N4BP2L1: variants seen among roughly 807,000 people sequenced by gnomAD.
The protein encoded by N4BP2L1 is NEDD4 binding protein 2 like 1.
A neutral mutation model predicts 21.2 loss-of-function variants in N4BP2L1; 12 were observed. That is an observed-to-expected ratio of 0.57 (90% CI 0.36 to 0.92). The LOEUF is 0.92. N4BP2L1 is among the 40% of genes least tolerant of loss of function. The pLI is 0.01. For synonymous variants in N4BP2L1, 104 were observed against 112.8 expected (o/e 0.92, Z 0.49); for missense variants, 259 against 310.6 (o/e 0.83, Z 1.25).
chr13:32,403,656 C>T lies in N4BP2L1; in HGVS notation c.474-456G>A, dbSNP rs745446308. The stretch of plus-strand genomic sequence containing the variant: ...GGGATATAGTTAGAAATATAATTAC[C>T]AGAGATTCCAACTACTGAATGGGGT... On this transcript the variant is annotated intron_variant, in intron 4 of 4. Transcript: ENST00000380130. 14 of 532,432 alleles carry T rather than the reference C, an allele frequency of 2.6e-5. No homozygotes were observed. The Admixed American group carries it at 2.7e-4, about 10-fold the overall frequency. The allele number at this position is 532,432 out of a possible 1,614,324, so 33.0% of individuals were successfully genotyped here. A position where few individuals can be genotyped will look rare whatever the true frequency, so the allele number is the denominator to read the frequency against.
chr13:32,406,085 T>A (rs2073481518), intron 3 of N4BP2L1, among the ~76,000 whole-genome samples: 1 of 151,478 alleles, frequency 6.6e-6, no homozygotes, highest in East Asian at 1.9e-4. Flanking sequence ...GTATTTTTTT[T>A]TTTTTAGTAG....
chr13:32,428,435 C>A (rs542576873), upstream of N4BP2L1: 34 of 185,620 alleles, frequency 1.8e-4, 1 homozygote, highest in East Asian at 4.2e-3. Context: ...AGGCCTCCTG[C>A]CACAGCCCTC....
chr13:32,417,391 T>C (rs537174682), intron 1 of N4BP2L1, among the ~76,000 whole-genome samples: 9 of 152,210 alleles, frequency 5.9e-5, no homozygotes, highest in East Asian at 5.8e-4. Context: ...AGGGGCTTTT[T>C]CCCCTTTTGC....
At chr13:32,410,671 T>TTCAGGTA (rs1352501045) in intron 1 of N4BP2L1, among the ~76,000 whole-genome samples, 1 of 152,238 alleles carries the variant, frequency 6.6e-6, no homozygotes, top group Non-Finnish European at 1.5e-5. Context: ...CTGATGCATT[T>TTCAGGTA]TCAGGTATGT....
Position 32,403,102 on chromosome 13 carries a change from G to C in N4BP2L1, c.572C>G (p.Pro191Arg). The C allele has an allele frequency of 1.9e-6, 3 of 1,613,968 alleles. No homozygotes were observed. Among genetic ancestry groups the C allele is most frequent in the Non-Finnish European group, 2.5e-6 (3 of 1,179,986 alleles). Residue 191 changes from proline (P) to arginine (R), a missense_variant, in exon 5 of 5, where the codon CCA becomes CGA. Pro to Arg is a moderately radical substitution (Grantham distance 103, BLOSUM62 -2). Coordinates refer to ENST00000380130, the MANE Select transcript of N4BP2L1 (RefSeq NM_052818.3). ...GTCCTGGTTTCTGTTCATTCTGCTT[G>C]GCTTTTCTGCATGAAGCACACTGTG... ...TFHSVLHAEKPSRMNRNQDRN... is the reference protein window; with the variant it reads ...TFHSVLHAEKRSRMNRNQDRN...
rs890547779 is a variant in N4BP2L1, at chr13:32,428,016, G to C, written c.67C>G (p.Gln23Glu). 6.4e-7 allele frequency: 1 copy of C among 1,561,162 alleles called. No homozygotes were observed. Among genetic ancestry groups the C allele is most frequent in the Admixed American group, 1.9e-5 (1 of 51,506 alleles). Residue 23 changes from glutamine to glutamate, a missense_variant, in exon 1 of 5, where the codon CAG becomes GAG. Transcript: ENST00000380130. ...CGCGGGGGCGGCCGGGGCGGCCGCTGCCGCTGCTGCTGCTGCTGGGGCTGG... is the reference window on the plus strand; with the variant it reads ...CGCGGGGGCGGCCGGGGCGGCCGCTCCCGCTGCTGCTGCTGCTGGGGCTGG... ...SLQPQQQQQR[Q>E]RPPRPPPRGT...
chr13:32,419,447 T>TTTTTTTTTTTC (rs2074346900), intron 1 of N4BP2L1: 1 of 321,746 alleles, frequency 3.1e-6, no homozygotes. Flanking sequence ...TTTTTTTTTT[T>TTTTTTTTTTTC]GTATTTTACA....
chr13:32,418,064 G>A (rs1312417986), intron 1 of N4BP2L1, among the ~76,000 whole-genome samples: 1 of 152,198 alleles, frequency 6.6e-6, no homozygotes, highest in East Asian at 1.9e-4. Flanking sequence ...CCTAAGTAAC[G>A]AGGAGCCAAA....
chr13:32,412,590 A>G (rs1323545721), intron 1 of N4BP2L1, among the ~76,000 whole-genome samples: 4 of 151,034 alleles, frequency 2.6e-5, no homozygotes, highest in Non-Finnish European at 5.9e-5. Context: ...CCGTGCCACT[A>G]CACTCCAGCT....
chr13:32,407,012 G>A, intron 3 of N4BP2L1: 1 of 528,936 alleles, frequency 1.9e-6, no homozygotes, highest in Non-Finnish European at 3.4e-6. Flanking sequence ...TCACACCAAA[G>A]ACCATTTGCC....
Position 32,402,312 on chromosome 13 carries a change from G to A in N4BP2L1, c.*630C>T, listed in dbSNP as rs2073173844. The A allele has an allele frequency of 1.7e-6, 1 of 576,088 alleles. No homozygotes were observed. The highest frequency in any genetic ancestry group is 6.3e-5 in the Admixed American group (1 of 15,752). The allele number at this position is 576,088 out of a possible 1,614,324, so 35.7% of individuals were successfully genotyped here. A position where few individuals can be genotyped will look rare whatever the true frequency, so the allele number is the denominator to read the frequency against. On this transcript the variant is annotated 3_prime_UTR_variant, in exon 5 of 5. Transcript: ENST00000380130. ...CTCAGTAGCTCCTGTAGCTATTAAG[G>A]ATTTGACAGCATTTTTAACAATGAT...
Position 32,407,714 on chromosome 13 carries a change from T to G in N4BP2L1, c.238A>C (p.Arg80=). Residue 80 remains arginine (R), a synonymous_variant, in exon 2 of 5, where the codon AGG becomes CGG. Transcript: ENST00000380130. ...LIFSTDDFFF[R]EDGAYEFNPD... ...TTGAACTCATAGGCACCATCTTCCC[T>G]GAAGAAAAAATCATCCGTGCTGAAA... 1 of 1,609,144 alleles carries G rather than the reference T, an allele frequency of 6.2e-7. No individual in the cohort carries two copies. Among genetic ancestry groups the G allele is most frequent in the South Asian group, 1.1e-5 (1 of 89,958 alleles).
intron 1 of N4BP2L1, chr13:32,411,865 T>C (rs1270612577): frequency 2.5e-6 from 2 of 799,452 alleles, no homozygotes; most frequent in East Asian, 1.3e-4. Context: ...AATTTTAACT[T>C]GACGCCCAGT....
At chr13:32,404,256 G>A in intron 4 of N4BP2L1, 65 bp downstream of exon 4, 1 of 1,585,962 alleles carries the variant, frequency 6.3e-7, no homozygotes, top group Non-Finnish European at 8.7e-7. Flanking sequence ...AGATTCTTTT[G>A]TTCGGTCTGA....
chr13:32,429,406 T>C (rs1222414063), upstream of N4BP2L1, among the ~76,000 whole-genome samples: 3 of 152,220 alleles, frequency 2.0e-5, no homozygotes, highest in South Asian at 2.1e-4. Context: ...CCTCTAAATA[T>C]TAGGAGGGAA....
At chr13:32,404,172 A>C (rs1172867447) in intron 4 of N4BP2L1, 149 bp downstream of exon 4, 3 of 1,609,370 alleles carry the variant, frequency 1.9e-6, no homozygotes, top group Non-Finnish European at 2.5e-6. Context: ...TCACATTAAT[A>C]ATTCCAAAGT....
chr13:32,407,119 C>A (rs1188367881), intron 3 of N4BP2L1, 131 bp downstream of exon 3: 1 of 901,022 alleles, frequency 1.1e-6, no homozygotes, highest in Non-Finnish European at 1.7e-6. Flanking sequence ...AACCTCGTTA[C>A]CTTCTCCCTG....
intron 1 of N4BP2L1, among the ~76,000 whole-genome samples, chr13:32,410,233 C>T (rs1872074428): frequency 6.6e-6 from 1 of 152,234 alleles, no homozygotes; most frequent in African/African-American, 2.4e-5. Context: ...TAAGCAGGGT[C>T]CTTCACACGT....
At chr13:32,413,323 G>C (rs2073962358) in intron 1 of N4BP2L1, among the ~76,000 whole-genome samples, 1 of 152,126 alleles carries the variant, frequency 6.6e-6, no homozygotes, top group Admixed American at 6.5e-5. Flanking sequence ...TATTATGTCT[G>C]GTTAACGTCT....
Sources: allele counts gnomAD v4.1 joint callset (sites outside exome capture counted in the v4.1 genomes callset), GRCh38; gene constraint gnomAD v4.1.1; transcripts MANE v1.5; gene names NCBI Gene and HGNC (gene_info 2026-07-23, HGNC 2026-07-21).